AGBL4: variants seen among roughly 807,000 people sequenced by gnomAD.
The protein encoded by AGBL4 is AGBL carboxypeptidase 4, also known as cytosolic carboxypeptidase 6.
In AGBL4, 58 loss-of-function variants were observed where a neutral mutation model predicts 66.4. The ratio of observed to expected loss-of-function variants is 0.87; its 90% CI spans 0.71 to 1.09. The LOEUF (loss-of-function observed/expected upper bound fraction) is 1.09. Among genes scored for constraint, AGBL4 ranks in the 50% least tolerant of loss-of-function variants. The probability of loss-of-function intolerance (pLI) is 0.00; values close to 1 mark genes in which losing one functional copy is unlikely to be tolerated. For synonymous variants in AGBL4, 234 were observed against 222.9 expected (o/e 1.05, Z -0.44); for missense variants, 579 against 631.0 (o/e 0.92, Z 0.88).
intron 6 of AGBL4, among the ~76,000 whole-genome samples, chr1:48,866,343 G>A (rs571425934): frequency 3.9e-5 from 6 of 152,242 alleles, no homozygotes; most frequent in South Asian, 2.1e-4. Context: ...CAAACCTGCC[G>A]TATGACCACT....
intron 4 of AGBL4, among the ~76,000 whole-genome samples, chr1:49,115,534 A>C (rs151174690): frequency 9.4e-4 from 143 of 151,990 alleles, no homozygotes; most frequent in African/African-American, 3.2e-3. Context: ...GCTGTTATCT[A>C]CTCCAATTTG....
At chr1:49,498,287 T>A (rs999973012) in intron 3 of AGBL4, among the ~76,000 whole-genome samples, 19 of 151,928 alleles carry the variant, frequency 1.3e-4, no homozygotes, top group African/African-American at 4.6e-4. Context: ...TTTATCATGT[T>A]TGTAGACTGT....
intron 3 of AGBL4, among the ~76,000 whole-genome samples, chr1:49,441,101 C>A (rs2148668304): frequency 6.6e-6 from 1 of 152,244 alleles, no homozygotes; most frequent in South Asian, 2.1e-4. Context: ...CGCCACAACA[C>A]CCCTGTTAGC....
chr1:48,975,348 C>T (rs761283578), intron 5 of AGBL4, among the ~76,000 whole-genome samples: 2 of 151,982 alleles, frequency 1.3e-5, no homozygotes, highest in African/African-American at 2.4e-5. Context: ...TGCAGTAGGT[C>T]CAGACTACAA....
chr1:48,737,429 G>A (rs1415036830), intron 6 of AGBL4, among the ~76,000 whole-genome samples: 1 of 152,226 alleles, frequency 6.6e-6, no homozygotes. Flanking sequence ...GCTCAAGTAA[G>A]GAGAGCAGCT....
intron 5 of AGBL4, among the ~76,000 whole-genome samples, chr1:49,017,480 A>G (rs1333689266): frequency 6.6e-6 from 1 of 152,158 alleles, no homozygotes; most frequent in East Asian, 1.9e-4. Context: ...GCATAATATC[A>G]TCTAATGGAG....
chr1:49,469,863 C>A (rs573838399), intron 3 of AGBL4: 14 of 151,764 alleles, frequency 9.2e-5, no homozygotes, highest in African/African-American at 3.4e-4. Flanking sequence ...ATTTCATCTT[C>A]GGTTAAGCAG....
At chr1:48,604,794 G>A (rs1166605673) in intron 9 of AGBL4, among the ~76,000 whole-genome samples, 1 of 152,176 alleles carries the variant, frequency 6.6e-6, no homozygotes, top group African/African-American at 2.4e-5. Context: ...AAAGCAGCAA[G>A]GAGTGAGGGA....
chr1:49,025,058 A>C lies in AGBL4; in HGVS notation c.594+20526T>G, dbSNP rs377077760. Among the ~76,000 whole-genome samples the C allele has an allele frequency of 8.5e-4, 129 of 152,360 alleles. 2 individuals carry two copies. In the South Asian group the frequency reaches 0.025, roughly 30 times the overall value. On this transcript the variant is annotated intron_variant, in intron 5 of 13. Transcript: ENST00000371839. The stretch of plus-strand genomic sequence containing the variant: ...GTTTGAGTAACTGGCCCAAAGTTAC[A>C]CAGTGAATAAGTGGCAGAGTTAAGG...
In AGBL4 at chr1:49,245,257, T is replaced by TACACAC. The variant is rs139244286; in HGVS notation, c.377+507_377+512dup. 4.0e-3 allele frequency among the ~76,000 whole-genome samples: 559 copies of TACACAC among 139,138 alleles called. 4 individuals carry two copies. The highest frequency in any genetic ancestry group is 0.012 in the African/African-American group (462 of 37,468). The allele number at this position is 139,138 out of a possible 152,430, so 91.3% of individuals were successfully genotyped here. Reference sequence around the variant, plus strand: ...CAATGGTACAAATAGAACTTTAAAATACACACACACACACACACACACACA... The same window carrying TACACAC: ...CAATGGTACAAATAGAACTTTAAAATACACACACACACACACACACACACACACACA... On this transcript the variant is annotated intron_variant, in intron 4 of 13. Coordinates refer to ENST00000371839, the MANE Select transcript of AGBL4 (RefSeq NM_032785.4).
intron 6 of AGBL4, among the ~76,000 whole-genome samples, chr1:48,813,843 T>A (rs1257003497): frequency 2.0e-5 from 3 of 148,288 alleles, no homozygotes; most frequent in Non-Finnish European, 3.0e-5. Context: ...TTGGGTAGCT[T>A]TTTTTTTTTT....
chr1:49,321,984 A>C (rs550874285), intron 3 of AGBL4, among the ~76,000 whole-genome samples: 3 of 152,164 alleles, frequency 2.0e-5, no homozygotes, highest in Non-Finnish European at 4.4e-5. Flanking sequence ...AATGGTGAAA[A>C]CTTATTCAGC....
intron 6 of AGBL4, among the ~76,000 whole-genome samples, chr1:48,825,258 T>C (rs1451203973): frequency 6.6e-6 from 1 of 152,162 alleles, no homozygotes; most frequent in Non-Finnish European, 1.5e-5. Context: ...GCAACCCGCC[T>C]TCTCACTGGG....
At chr1:49,880,884 C>G (rs1489699619) in intron 1 of AGBL4, among the ~76,000 whole-genome samples, 1 of 152,080 alleles carries the variant, frequency 6.6e-6, no homozygotes, top group Non-Finnish European at 1.5e-5. Flanking sequence ...TTAAGCCGGT[C>G]TGAAAAGCAC....
chr1:49,931,318 C>A (rs957822490), intron 1 of AGBL4, among the ~76,000 whole-genome samples: 2 of 151,972 alleles, frequency 1.3e-5, no homozygotes, highest in African/African-American at 4.8e-5. Context: ...GTGCATTAGT[C>A]CATTTTCACA....
intron 6 of AGBL4, among the ~76,000 whole-genome samples, chr1:48,797,861 T>C (rs1439606407): frequency 6.6e-6 from 1 of 152,242 alleles, no homozygotes; most frequent in Non-Finnish European, 1.5e-5. Context: ...TACCACATTT[T>C]CTTTATCCAC....
chr1:49,689,716 C>T (rs1449998214), intron 3 of AGBL4, among the ~76,000 whole-genome samples: 3 of 152,116 alleles, frequency 2.0e-5, no homozygotes, highest in African/African-American at 4.8e-5. Context: ...GAATATCTTT[C>T]CTTTTTTTCT....
chr1:49,364,231 G>A (rs943462675), intron 3 of AGBL4, among the ~76,000 whole-genome samples: 3 of 152,134 alleles, frequency 2.0e-5, no homozygotes, highest in Non-Finnish European at 4.4e-5. Flanking sequence ...TAGTGTATAT[G>A]CTTAATGCTT....
intron 3 of AGBL4, among the ~76,000 whole-genome samples, chr1:49,481,788 C>T (rs567934440): frequency 3.3e-5 from 5 of 151,310 alleles, no homozygotes; most frequent in South Asian, 4.2e-4. Flanking sequence ...TACTATTTTG[C>T]GGTGTGTGAT....
Sources: allele counts gnomAD v4.1 joint callset (sites outside exome capture counted in the v4.1 genomes callset), GRCh38; gene constraint gnomAD v4.1.1; transcripts MANE v1.5; gene names NCBI Gene and HGNC (gene_info 2026-07-23, HGNC 2026-07-21).